TMC1: variants seen among roughly 807,000 people sequenced by gnomAD.
TMC1 encodes transmembrane channel like 1.
In TMC1, 84 loss-of-function variants were observed where a neutral mutation model predicts 105.8. The observed-to-expected ratio is 0.79, with a 90% CI of 0.67 to 0.95. The LOEUF (loss-of-function observed/expected upper bound fraction) is 0.95, where lower values mean the gene tolerates loss of function less well. TMC1 is among the 40% of genes least tolerant of loss of function. The pLI is 0.00. For synonymous variants in TMC1, 315 were observed against 311.5 expected (o/e 1.01, Z -0.12); for missense variants, 817 against 914.1 (o/e 0.89, Z 1.37).
chr9:72,604,415 A>G (rs911039625), intron 2 of TMC1, among the ~76,000 whole-genome samples: 1 of 152,242 alleles, frequency 6.6e-6, no homozygotes, highest in African/African-American at 2.4e-5. Flanking sequence ...AACTATTAAT[A>G]TAGAATTATT....
intron 8 of TMC1, among the ~76,000 whole-genome samples, chr9:72,726,460 C>T (rs988542113): frequency 2.0e-5 from 3 of 152,144 alleles, no homozygotes; most frequent in African/African-American, 7.2e-5. Flanking sequence ...TGGGAGGACA[C>T]TGTAAAATAT....
In TMC1 at chr9:72,830,654, A is replaced by G; in HGVS notation, c.2232A>G (p.Arg744=). The G allele has an allele frequency of 6.2e-7, 1 of 1,613,804 alleles. No individual in the cohort carries two copies. Among genetic ancestry groups the G allele is most frequent in the Non-Finnish European group, 8.5e-7 (1 of 1,179,882 alleles). The change falls in exon 23 of 24, where the codon CGA becomes CGG. Residue 744 remains arginine (R), a synonymous_variant. Coordinates refer to ENST00000297784, the MANE Select transcript of TMC1 (RefSeq NM_138691.3). The part of the protein sequence containing the change: ...MKMQALENKM[R]NKKMAAARAA... ...AGCAAGCTTTGGAGAACAAAATGCG[A>G]AACAAGAAAATGGCAGCTGCACGAG...
intron 12 of TMC1, among the ~76,000 whole-genome samples, chr9:72,761,573 G>T (rs1340177933): frequency 6.6e-6 from 1 of 152,136 alleles, no homozygotes; most frequent in Non-Finnish European, 1.5e-5. Context: ...TGTTAAGTAG[G>T]TACATACATT....
chr9:72,553,435 A>T (rs185794029), intron 1 of TMC1, among the ~76,000 whole-genome samples: 3 of 152,314 alleles, frequency 2.0e-5, no homozygotes, highest in African/African-American at 7.2e-5. Context: ...CTTTTACTCT[A>T]TTTAAAAAGA....
Position 72,655,753 on chromosome 9 carries a change from AT to A in TMC1, c.16+7090del, listed in dbSNP as rs1398347338. ...CGAGAATCCGTATCAAAAAAAAAAA[AT>A]CATTCAAAAGATTACTGATGCTTGT... On this transcript the variant is annotated intron_variant, in intron 5 of 23. Transcript: ENST00000297784. 5.7e-5 allele frequency: 28 copies of A among 491,592 alleles called. No homozygotes were observed. In the East Asian group the frequency reaches 9.4e-4, roughly 16 times the overall value. The allele number at this position is 491,592 out of a possible 1,614,324, so 30.5% of individuals were successfully genotyped here.
intron 13 of TMC1, among the ~76,000 whole-genome samples, chr9:72,779,942 A>G (rs1304715997): frequency 1.3e-5 from 2 of 152,160 alleles, no homozygotes; most frequent in Admixed American, 6.5e-5. Context: ...AAAGATGACC[A>G]TCCCCAAGAC....
intron 18 of TMC1, among the ~76,000 whole-genome samples, chr9:72,812,406 G>C (rs1828721263): frequency 6.6e-6 from 1 of 152,190 alleles, no homozygotes; most frequent in Non-Finnish European, 1.5e-5. Flanking sequence ...AGTGTTCCTT[G>C]AATATGTGGA....
intron 2 of TMC1, among the ~76,000 whole-genome samples, chr9:72,579,082 C>A (rs1824434185): frequency 6.6e-6 from 1 of 152,158 alleles, no homozygotes; most frequent in Non-Finnish European, 1.5e-5. Flanking sequence ...TCAGTAGCAT[C>A]CATTTGATTG....
chr9:72,540,159 C>T (rs7048331), intron 1 of TMC1, among the ~76,000 whole-genome samples: 81,540 of 152,008 alleles, frequency 0.54, 23,086 homozygotes, highest in African/African-American at 0.73. Flanking sequence ...ACACATCTCA[C>T]TAGGCCCCAC....
intron 17 of TMC1, among the ~76,000 whole-genome samples, chr9:72,795,375 A>C (rs1828347011): frequency 2.0e-5 from 3 of 152,166 alleles, no homozygotes; most frequent in Non-Finnish European, 2.9e-5. Context: ...AAAATGAAAA[A>C]ATGTTAAAGA....
chr9:72,786,972 T>A (rs111788830), intron 13 of TMC1, among the ~76,000 whole-genome samples: 2 of 150,506 alleles, frequency 1.3e-5, no homozygotes, highest in African/African-American at 4.9e-5. Context: ...ATTTTCTCCC[T>A]AGGTTAAACC....
chr9:72,706,375 A>G (rs1374178278), intron 8 of TMC1, among the ~76,000 whole-genome samples: 2 of 152,144 alleles, frequency 1.3e-5, no homozygotes, highest in African/African-American at 4.8e-5. Flanking sequence ...ATTCTGGATT[A>G]TTTTCTTTTT....
At position 72,772,446 on chromosome 9, in the gene TMC1, T is replaced by C. The variant is rs764050135; in HGVS notation, c.775T>C (p.Tyr259His). The C allele has an allele frequency of 6.2e-7, 1 of 1,613,982 alleles. No individual in the cohort carries two copies. The highest frequency in any genetic ancestry group is 1.7e-5 in the Admixed American group (1 of 60,012). ...LAQYSVLFYG[Y>H]YDNKRTIGWM... ...ACAATATTCCGTTCTCTTTTATGGC[T>C]ATTATGACAATAAACGAACAATTGG... Residue 259 changes from tyrosine to histidine, a missense_variant, in exon 13 of 24, where the codon TAT becomes CAT. By Grantham distance (83) the Tyr-to-His change is moderately conservative. Transcript: ENST00000297784.
At position 72,694,524 on chromosome 9, in the gene TMC1, A is replaced by G. The variant is rs1826517151; in HGVS notation, c.65-19A>G. 6.2e-7 allele frequency: 1 copy of G among 1,609,678 alleles called. No individual in the cohort carries two copies. The highest frequency in any genetic ancestry group is 1.3e-5 in the African/African-American group (1 of 74,792). On this transcript the variant is annotated intron_variant, in intron 6 of 23. Coordinates refer to ENST00000297784, the MANE Select transcript of TMC1 (RefSeq NM_138691.3). ...AAGCACTTTCTGACATTACTCATTG[A>G]ATCAAGTGCTATGTTTAGGTGAAGA...
intron 1 of TMC1, among the ~76,000 whole-genome samples, chr9:72,539,554 C>A (rs923975120): frequency 6.6e-6 from 1 of 152,104 alleles, no homozygotes; most frequent in African/African-American, 2.4e-5. Context: ...GCTCTAGTTC[C>A]CAGTAAGTTT....
intron 4 of TMC1, among the ~76,000 whole-genome samples, chr9:72,631,210 T>G (rs904248421): frequency 6.6e-6 from 1 of 152,220 alleles, no homozygotes; most frequent in Non-Finnish European, 1.5e-5. Context: ...GTTTTTAACT[T>G]TAAAAGTAAA....
chr9:72,777,885 T>C (rs1384193056), intron 13 of TMC1, among the ~76,000 whole-genome samples: 1 of 152,224 alleles, frequency 6.6e-6, no homozygotes, highest in Non-Finnish European at 1.5e-5. Context: ...TTATGCTGTA[T>C]GTATTTACTT....
At chr9:72,558,999 G>GT (rs1361698643) in intron 1 of TMC1, among the ~76,000 whole-genome samples, 1 of 151,764 alleles carries the variant, frequency 6.6e-6, no homozygotes, top group Non-Finnish European at 1.5e-5. Flanking sequence ...AGAATTGTTT[G>GT]AAAGATTGAA....
At chr9:72,799,215 A>G (rs1402379953) in intron 17 of TMC1, among the ~76,000 whole-genome samples, 2 of 152,134 alleles carry the variant, frequency 1.3e-5, no homozygotes, top group African/African-American at 4.8e-5. Context: ...GCTTCAGATT[A>G]TCATTGAGAA....
Sources: allele counts gnomAD v4.1 joint callset (sites outside exome capture counted in the v4.1 genomes callset), GRCh38; gene constraint gnomAD v4.1.1; transcripts MANE v1.5; gene names NCBI Gene and HGNC (gene_info 2026-07-23, HGNC 2026-07-21).